Variants in PID1 observed in about 807,000 individuals in gnomAD.
PID1 encodes the protein PTB-containing, cubilin and LRP1-interacting protein.
In PID1, 10 loss-of-function variants were observed where a neutral mutation model predicts 19.1. The observed-to-expected ratio is 0.52, with a 90% CI of 0.32 to 0.89. The LOEUF (loss-of-function observed/expected upper bound fraction) is 0.89. Among genes scored for constraint, PID1 ranks in the 40% least tolerant of loss-of-function variants. The pLI is 0.03. For synonymous variants in PID1, 130 were observed against 116.0 expected, an observed-to-expected ratio of 1.12 and a Z score of -0.78; for missense variants, 248 against 285.3, an observed-to-expected ratio of 0.87 and a Z score of 0.94.
intron 1 of PID1, among the ~76,000 whole-genome samples, chr2:229,190,727 C>T (rs1691243162): frequency 6.6e-6 from 1 of 152,106 alleles, no homozygotes; most frequent in African/African-American, 2.4e-5. Flanking sequence ...ATCGGCTCTT[C>T]TTGGGTTTTT....
At chr2:229,139,115 G>A (rs78788922) in intron 2 of PID1, among the ~76,000 whole-genome samples, 1,583 of 47,548 alleles carry the variant, frequency 0.033, 34 homozygotes, top group Non-Finnish European at 0.043. Flanking sequence ...AAGAAAGAAA[G>A]AGAAAGAAAG....
chr2:229,043,293 A>G (rs571854648), intron 2 of PID1, among the ~76,000 whole-genome samples: 64 of 149,570 alleles, frequency 4.3e-4, no homozygotes, highest in African/African-American at 1.5e-3. Context: ...GGTGTGAGCC[A>G]CCATGCCTAG....
At chr2:229,248,914 G>A (rs1204011403) in intron 1 of PID1, among the ~76,000 whole-genome samples, 2 of 152,056 alleles carry the variant, frequency 1.3e-5, no homozygotes, top group Non-Finnish European at 2.9e-5. Context: ...AACAGATAAT[G>A]TGTTTAGGAA....
intron 2 of PID1, among the ~76,000 whole-genome samples, chr2:229,060,798 T>C (rs1694197339): frequency 6.6e-6 from 1 of 152,120 alleles, no homozygotes; most frequent in South Asian, 2.1e-4. Flanking sequence ...CTGTCTTTTT[T>C]TAAAAATAGC....
At chr2:229,220,933 C>T (rs1298683586) in intron 1 of PID1, among the ~76,000 whole-genome samples, 2 of 152,094 alleles carry the variant, frequency 1.3e-5, no homozygotes, top group Non-Finnish European at 2.9e-5. Flanking sequence ...AAAAATTCAG[C>T]TTATTTTTGC....
At chr2:229,099,948 A>G (rs1695043474) in intron 2 of PID1, among the ~76,000 whole-genome samples, 1 of 152,190 alleles carries the variant, frequency 6.6e-6, no homozygotes, top group Admixed American at 6.5e-5. Context: ...TGACACTGTT[A>G]GGAGATGGGG....
chr2:229,104,067 G>T (rs1018576678), intron 2 of PID1, among the ~76,000 whole-genome samples: 5 of 152,068 alleles, frequency 3.3e-5, no homozygotes, highest in African/African-American at 1.2e-4. Flanking sequence ...ACCTTAGCTG[G>T]TTTACTTATT....
intron 2 of PID1, among the ~76,000 whole-genome samples, chr2:229,138,884 G>A (rs925764273): frequency 2.0e-5 from 3 of 151,074 alleles, no homozygotes; most frequent in East Asian, 1.9e-4. Context: ...AATGGAAAGC[G>A]GGTGGGGAAA....
intron 2 of PID1, among the ~76,000 whole-genome samples, chr2:229,139,380 G>A (rs1247681777): frequency 2.0e-5 from 3 of 152,124 alleles, no homozygotes; most frequent in African/African-American, 7.2e-5. Flanking sequence ...TGAGCTAGAT[G>A]AAGAATCTAT....
At chr2:229,117,790 T>A (rs1168709738) in intron 2 of PID1, among the ~76,000 whole-genome samples, 1 of 152,100 alleles carries the variant, frequency 6.6e-6, no homozygotes, top group Non-Finnish European at 1.5e-5. Flanking sequence ...CTGCTTGTCA[T>A]GTCCCCAAGC....
intron 1 of PID1, among the ~76,000 whole-genome samples, chr2:229,176,833 G>A (rs1464694398): frequency 6.6e-6 from 1 of 152,170 alleles, no homozygotes; most frequent in African/African-American, 2.4e-5. Context: ...TTCCACAACA[G>A]CAAGGGTTGC....
intron 2 of PID1, among the ~76,000 whole-genome samples, chr2:229,042,607 C>T (rs9646888): frequency 0.27 from 40,442 of 152,016 alleles, 6,329 homozygotes; most frequent in East Asian, 0.48. Context: ...AGAGTGTATC[C>T]AGGGATTTAA....
chr2:229,198,374 G>A (rs1165530809), intron 1 of PID1, among the ~76,000 whole-genome samples: 1 of 151,938 alleles, frequency 6.6e-6, no homozygotes, highest in Non-Finnish European at 1.5e-5. Flanking sequence ...GGTACAGAAG[G>A]AGCTCTGTCC....
chr2:229,233,448 G>A (rs1692258730), intron 1 of PID1, among the ~76,000 whole-genome samples: 1 of 151,384 alleles, frequency 6.6e-6, no homozygotes, highest in Non-Finnish European at 1.5e-5. Flanking sequence ...TAGAAATGAA[G>A]GGTCTTGAAA....
intron 1 of PID1, among the ~76,000 whole-genome samples, chr2:229,157,714 G>C (rs1690405398): frequency 6.6e-6 from 1 of 152,156 alleles, no homozygotes; most frequent in South Asian, 2.1e-4. Flanking sequence ...GCTATGCATT[G>C]GAACCAGAAC....
intron 2 of PID1, among the ~76,000 whole-genome samples, chr2:229,114,147 CTCTT>C (rs1695361368): frequency 1.4e-5 from 2 of 146,876 alleles, no homozygotes; most frequent in East Asian, 2.1e-4. Context: ...CTCTCTCTCT[CTCTT>C]TCTCTCTCTC....
At chr2:229,219,578 G>C (rs924665696) in intron 1 of PID1, among the ~76,000 whole-genome samples, 1 of 152,184 alleles carries the variant, frequency 6.6e-6, no homozygotes, top group African/African-American at 2.4e-5. Context: ...TTGTTGCCCA[G>C]GCTGGAATGC....
At chr2:229,147,160 G>A (rs1690152738) in intron 2 of PID1, among the ~76,000 whole-genome samples, 1 of 152,128 alleles carries the variant, frequency 6.6e-6, no homozygotes. Context: ...CAAGTTAAAT[G>A]GAAAAACGTC....
chr2:229,249,338 C>A (rs2106282498), intron 1 of PID1, among the ~76,000 whole-genome samples: 1 of 152,292 alleles, frequency 6.6e-6, no homozygotes, highest in South Asian at 2.1e-4. Context: ...CCTCTCTCAA[C>A]ACAAAAGTAA....
Sources: gnomAD v4.1 joint callset for allele counts (sites outside exome capture counted in the v4.1 genomes callset) on GRCh38, gnomAD v4.1.1 for gene constraint, MANE v1.5 for transcripts, NCBI Gene and HGNC (gene_info 2026-07-23, HGNC 2026-07-21) for gene names.